The following FCHSD2 variants were observed in gnomAD, a reference collection of about 807,000 sequenced individuals.
FCHSD2 encodes FCH and double SH3 domains 2.
FCHSD2 carries 38 observed loss-of-function variants against 108.1 expected under a neutral mutation model. The observed-to-expected ratio is 0.35, with a 90% CI of 0.27 to 0.46. FCHSD2 has a LOEUF of 0.46. Among genes scored for constraint, FCHSD2 ranks in the 20% least tolerant of loss-of-function variants. The pLI, the probability that FCHSD2 is intolerant of heterozygous loss-of-function variation, is 1.00. For synonymous variants in FCHSD2, 279 were observed against 314.7 expected, an observed-to-expected ratio of 0.89 and a Z score of 1.20; for missense variants, 751 against 897.8, an observed-to-expected ratio of 0.84 and a Z score of 2.09.
rs114340239 is a variant in FCHSD2 at position 72,886,160 on chromosome 11, T to C, written c.1146+1310A>G. ...GCAGGGATTCCTTGTATTGGGTCCC[T>C]GAAAGATGCTTGCCCAGAATCTTCT... On this transcript the variant is annotated intron_variant, in intron 12 of 19. Transcript: ENST00000409418. Among the ~76,000 whole-genome samples the C allele has an allele frequency of 6.5e-3, 991 of 152,308 alleles. 9 individuals carry two copies. The highest frequency in any genetic ancestry group is 0.019 in the African/African-American group (805 of 41,552).
At chr11:73,048,429 T>C (rs957015000) in intron 3 of FCHSD2, among the ~76,000 whole-genome samples, 1 of 152,210 alleles carries the variant, frequency 6.6e-6, no homozygotes, top group African/African-American at 2.4e-5. Flanking sequence ...GGACCAGCTA[T>C]TGCTGAATCA....
intron 3 of FCHSD2, among the ~76,000 whole-genome samples, chr11:73,021,922 A>T (rs1055096627): frequency 6.6e-5 from 10 of 151,650 alleles, no homozygotes; most frequent in Admixed American, 4.6e-4. Context: ...AATAAAAAAA[A>T]TTTTCCAGGC....
chr11:72,913,429 T>C (rs1289466274), intron 9 of FCHSD2, among the ~76,000 whole-genome samples: 1 of 152,018 alleles, frequency 6.6e-6, no homozygotes, highest in Non-Finnish European at 1.5e-5. Flanking sequence ...CCACCACACT[T>C]GGATAATTTT....
intron 13 of FCHSD2, among the ~76,000 whole-genome samples, chr11:72,853,839 A>G (rs1271365999): frequency 6.6e-6 from 1 of 152,222 alleles, no homozygotes; most frequent in Non-Finnish European, 1.5e-5. Context: ...AGGGACTAAT[A>G]TCCAGAATAT....
At chr11:72,999,701 G>C (rs1292741524) in intron 5 of FCHSD2, among the ~76,000 whole-genome samples, 2 of 152,108 alleles carry the variant, frequency 1.3e-5, no homozygotes, top group African/African-American at 4.8e-5. Context: ...AAGCACCAGA[G>C]GTAGTTAAAC....
At chr11:73,021,523 C>T (rs1369421942) in intron 3 of FCHSD2, among the ~76,000 whole-genome samples, 1 of 151,984 alleles carries the variant, frequency 6.6e-6, no homozygotes, top group Non-Finnish European at 1.5e-5. Flanking sequence ...CACATGAACA[C>T]ATAGAGGAGA....
At chr11:73,102,814 A>G (rs1860255421) in intron 2 of FCHSD2, among the ~76,000 whole-genome samples, 1 of 152,168 alleles carries the variant, frequency 6.6e-6, no homozygotes, top group Admixed American at 6.5e-5. Context: ...AAGCCAATAA[A>G]TTTCTGTTCT....
intron 3 of FCHSD2, among the ~76,000 whole-genome samples, chr11:73,054,223 A>G (rs1029294752): frequency 2.2e-5 from 3 of 134,724 alleles, no homozygotes; most frequent in Admixed American, 7.3e-5. Context: ...TCCTTTGCAG[A>G]AAAAAAAAAA....
chr11:73,091,501 A>C (rs1187881285), intron 2 of FCHSD2, among the ~76,000 whole-genome samples: 1 of 152,078 alleles, frequency 6.6e-6, no homozygotes, highest in East Asian at 1.9e-4. Context: ...GTGAGCCGAG[A>C]TCATGCCACT....
At chr11:73,130,384 T>C (rs1860968582) in intron 2 of FCHSD2, among the ~76,000 whole-genome samples, 1 of 152,212 alleles carries the variant, frequency 6.6e-6, no homozygotes, top group Non-Finnish European at 1.5e-5. Context: ...AGGCACGTGC[T>C]ATGGTGCCAG....
intron 3 of FCHSD2, among the ~76,000 whole-genome samples, chr11:73,028,309 G>C (rs1858277025): frequency 6.6e-6 from 1 of 152,240 alleles, no homozygotes; most frequent in Non-Finnish European, 1.5e-5. Context: ...CTGGATGTGA[G>C]ACATGGAGTC....
chr11:73,054,587 A>T (rs1858978867), intron 3 of FCHSD2, among the ~76,000 whole-genome samples: 1 of 150,926 alleles, frequency 6.6e-6, no homozygotes, highest in Non-Finnish European at 1.5e-5. Context: ...GACACATAAC[A>T]AGTATTCCAA....
intron 3 of FCHSD2, among the ~76,000 whole-genome samples, chr11:73,027,110 A>G (rs1260189587): frequency 6.6e-6 from 1 of 152,214 alleles, no homozygotes; most frequent in Non-Finnish European, 1.5e-5. Context: ...GGAACTGGGT[A>G]GCAGGCAGAG....
In FCHSD2 at chr11:72,900,801, G is replaced by A. The variant is rs997182723; in HGVS notation, c.924+1742C>T. Reference sequence around the variant, plus strand: ...GTATAAGAAAAGTAATGAAGATATCGCTGGCAAATGTGTTTCTATTAAACT... The same window carrying A: ...GTATAAGAAAAGTAATGAAGATATCACTGGCAAATGTGTTTCTATTAAACT... On this transcript the variant is annotated intron_variant, in intron 10 of 19. Transcript: ENST00000409418. Among the ~76,000 whole-genome samples the A allele has an allele frequency of 5.3e-5, 8 of 152,162 alleles. 1 individual carries two copies. The highest frequency in any genetic ancestry group is 2.9e-5 in the Non-Finnish European group (2 of 68,002).
chr11:72,862,974 G>A (rs1356682163), intron 13 of FCHSD2, among the ~76,000 whole-genome samples: 4 of 152,138 alleles, frequency 2.6e-5, no homozygotes, highest in African/African-American at 9.7e-5. Context: ...CCAGGTTGGA[G>A]TGCAGTAGCA....
intron 8 of FCHSD2, among the ~76,000 whole-genome samples, chr11:72,952,128 G>C (rs1468205911): frequency 6.6e-6 from 1 of 152,070 alleles, no homozygotes; most frequent in East Asian, 1.9e-4. Flanking sequence ...TTAATGCTTG[G>C]AAACTCCCTG....
intron 4 of FCHSD2, among the ~76,000 whole-genome samples, chr11:73,003,142 C>T (rs1857660656): frequency 6.6e-6 from 1 of 152,122 alleles, no homozygotes; most frequent in Non-Finnish European, 1.5e-5. Context: ...CACTGATATA[C>T]CATGAAAAGC....
chr11:72,901,689 TA>T lies in FCHSD2; in HGVS notation c.924+853del, dbSNP rs546493264. ...TTGTGTTATGTGTATTCTGCTACCA[TA>T]AAAAAAATGGCAGAGGGGTAGAGGC... On this transcript the variant is annotated intron_variant, in intron 10 of 19. Transcript: ENST00000409418. Among the ~76,000 whole-genome samples, 181 of 151,568 alleles carry T rather than the reference TA, an allele frequency of 1.2e-3. 2 individuals are homozygous for T. The South Asian group carries it at 0.036, about 30-fold the overall frequency.
chr11:72,847,182 G>A (rs1212417450), intron 14 of FCHSD2, among the ~76,000 whole-genome samples: 1 of 152,098 alleles, frequency 6.6e-6, no homozygotes, highest in Non-Finnish European at 1.5e-5. Context: ...TTTTTCTGTA[G>A]AGACCAGGTT....
Sources: gnomAD v4.1 joint callset for allele counts (sites outside exome capture counted in the v4.1 genomes callset) on GRCh38, gnomAD v4.1.1 for gene constraint, MANE v1.5 for transcripts, NCBI Gene and HGNC (gene_info 2026-07-23, HGNC 2026-07-21) for gene names.